FBXL17: variants seen among roughly 807,000 people sequenced by gnomAD.
FBXL17 encodes the protein F-box and leucine rich repeat protein 17, also known as F-box/LRR-repeat protein 17.
In FBXL17, 22 loss-of-function variants were observed where a neutral mutation model predicts 66.2. That is an observed-to-expected ratio of 0.33 (90% CI 0.24 to 0.47). The LOEUF (loss-of-function observed/expected upper bound fraction) is 0.47, where lower values mean the gene tolerates loss of function less well. Ranked by LOEUF, FBXL17 falls within the 20% of genes least tolerant of loss-of-function variation. The pLI, the probability that FBXL17 is intolerant of heterozygous loss-of-function variation, is 1.00. For missense variants in FBXL17, 878 were observed against 948.2 expected (o/e 0.93, Z 0.97); for synonymous variants, 474 against 400.5 (o/e 1.18, Z -2.19).
chr5:108,172,660 C>G (rs1379463807), intron 6 of FBXL17, among the ~76,000 whole-genome samples: 1 of 152,224 alleles, frequency 6.6e-6, no homozygotes, highest in Non-Finnish European at 1.5e-5. Context: ...GATCCAGACT[C>G]AACGTCTGAT....
At chr5:107,972,322 A>G (rs1364873229) in intron 7 of FBXL17, among the ~76,000 whole-genome samples, 1 of 152,230 alleles carries the variant, frequency 6.6e-6, no homozygotes, top group Non-Finnish European at 1.5e-5. Flanking sequence ...ATAGGTAGAT[A>G]AGAAAGGAAG....
chr5:108,172,467 T>C (rs1484249749), intron 6 of FBXL17, among the ~76,000 whole-genome samples: 1 of 152,188 alleles, frequency 6.6e-6, no homozygotes, highest in African/African-American at 2.4e-5. Context: ...AGCCAGAAAT[T>C]GTGTCTATAC....
At position 108,174,748 on chromosome 5, in the gene FBXL17, C is replaced by CAAAAAAAAAAAAAAAA. The variant is rs34237156; in HGVS notation, c.1745+11353_1745+11368dup. 2.2e-5 allele frequency among the ~76,000 whole-genome samples: 2 copies of CAAAAAAAAAAAAAAAA among 92,526 alleles called. 1 individual carries two copies. Among genetic ancestry groups the CAAAAAAAAAAAAAAAA allele is most frequent in the African/African-American group, 8.9e-5 (2 of 22,408 alleles). 60.7% of individuals were successfully genotyped at this position (92,526 alleles called of 152,430 possible). A position where few individuals can be genotyped will look rare whatever the true frequency, so the allele number is the denominator to read the frequency against. ...TAGCTATACTTTTTACACAAAGAAG[C>CAAAAAAAAAAAAAAAA]AAAAAAAAAAAAAAAAAAAAAGCTG... On this transcript the variant is annotated intron_variant, in intron 6 of 8. Transcript: ENST00000542267.
At chr5:108,068,424 C>T (rs1748194093) in intron 6 of FBXL17, among the ~76,000 whole-genome samples, 1 of 142,690 alleles carries the variant, frequency 7.0e-6, no homozygotes, top group South Asian at 2.2e-4. Flanking sequence ...AATCTAAATA[C>T]TCCTAATTTC....
intron 6 of FBXL17, among the ~76,000 whole-genome samples, chr5:108,080,527 A>C (rs1321429295): frequency 6.6e-6 from 1 of 152,254 alleles, no homozygotes; most frequent in Non-Finnish European, 1.5e-5. Flanking sequence ...TTTTGAGCCA[A>C]GTATGAGTGA....
chr5:107,919,295 G>A (rs1750234287), intron 7 of FBXL17, among the ~76,000 whole-genome samples: 1 of 151,988 alleles, frequency 6.6e-6, no homozygotes, highest in Admixed American at 6.6e-5. Flanking sequence ...GCTTTCCATC[G>A]ATCCAGGATC....
intron 7 of FBXL17, among the ~76,000 whole-genome samples, chr5:107,955,440 A>G (rs1249077572): frequency 6.6e-6 from 1 of 152,150 alleles, no homozygotes; most frequent in Non-Finnish European, 1.5e-5. Flanking sequence ...GTGATCTGAA[A>G]CCCTCTTTAA....
In FBXL17 at chr5:107,933,451, G is replaced by A. The variant is rs531083771; in HGVS notation, c.1823-52272C>T. Among the ~76,000 whole-genome samples, 3 of 152,238 alleles carry A rather than the reference G, an allele frequency of 2.0e-5. No individual in the cohort carries two copies. In the East Asian group the frequency reaches 5.8e-4, roughly 29 times the overall value. ...AAATAGTCACTTACATTGGACTTAAGACAATATGAGTTAATAGGCTTCTCA... is the reference window on the plus strand; with the variant it reads ...AAATAGTCACTTACATTGGACTTAAAACAATATGAGTTAATAGGCTTCTCA... On this transcript the variant is annotated intron_variant, in intron 7 of 8. Coordinates refer to ENST00000542267, the MANE Select transcript of FBXL17 (RefSeq NM_001163315.3).
chr5:108,118,860 CAT>C (rs1750367039), intron 6 of FBXL17, among the ~76,000 whole-genome samples: 1 of 152,270 alleles, frequency 6.6e-6, no homozygotes, highest in South Asian at 2.1e-4. Flanking sequence ...CTATTTTACA[CAT>C]GTGATTTTCC....
intron 6 of FBXL17, among the ~76,000 whole-genome samples, chr5:108,091,408 G>A (rs1047621153): frequency 2.6e-5 from 4 of 152,100 alleles, no homozygotes; most frequent in Non-Finnish European, 5.9e-5. Flanking sequence ...ACAAAAGATC[G>A]CATTTCTCTG....
intron 6 of FBXL17, among the ~76,000 whole-genome samples, chr5:108,083,805 CAT>C (rs1325007153): frequency 6.6e-6 from 1 of 152,052 alleles, no homozygotes; most frequent in Non-Finnish European, 1.5e-5. Flanking sequence ...ACCAAAAAAA[CAT>C]ATGGCATAAC....
chr5:107,942,717 A>AT (rs1191002576), intron 7 of FBXL17, among the ~76,000 whole-genome samples: 1 of 150,794 alleles, frequency 6.6e-6, no homozygotes, highest in Non-Finnish European at 1.5e-5. Flanking sequence ...AGTATCTCTT[A>AT]TTTTAACGAT....
intron 6 of FBXL17, among the ~76,000 whole-genome samples, chr5:108,035,942 T>C (rs749096191): frequency 2.1e-4 from 32 of 152,144 alleles, no homozygotes; most frequent in Non-Finnish European, 4.0e-4. Flanking sequence ...AAATACTAAA[T>C]TGTACAATTA....
Position 108,369,729 on chromosome 5 carries a change from A to G in FBXL17, c.994-1776T>C, listed in dbSNP as rs554425150. On this transcript the variant is annotated intron_variant, in intron 1 of 8. Transcript: ENST00000542267. ...GGCCAATACAAATCTTGGAAAATTA[A>G]AAGCTTTATCAACAAATACCATGTG... Among the ~76,000 whole-genome samples, 10 of 152,218 alleles carry G rather than the reference A, an allele frequency of 6.6e-5. No individual in the cohort carries two copies. The South Asian group carries it at 8.3e-4, about 13-fold the overall frequency.
rs61438456 is a variant in FBXL17 at position 107,980,645 on chromosome 5, AAT to A, written c.1822+40278_1822+40279del. ...AGCCACCATGACTGGCCAATAAAAT[AAT>A]ATATATATATATATATATTTTTTTT... On this transcript the variant is annotated intron_variant, in intron 7 of 8. Transcript: ENST00000542267. 2.1e-4 allele frequency among the ~76,000 whole-genome samples: 17 copies of A among 79,206 alleles called. 1 individual carries two copies. Among genetic ancestry groups the A allele is most frequent in the South Asian group, 4.5e-4 (1 of 2,212 alleles). 52.0% of individuals were successfully genotyped at this position (79,206 alleles called of 152,430 possible). A position where few individuals can be genotyped will look rare whatever the true frequency, so the allele number is the denominator to read the frequency against.
intron 5 of FBXL17, among the ~76,000 whole-genome samples, chr5:108,204,089 C>T (rs1027196448): frequency 5.3e-5 from 8 of 152,126 alleles, no homozygotes; most frequent in Admixed American, 2.0e-4. Context: ...CAAACCCATA[C>T]GCAACACATC....
At chr5:107,996,473 T>A (rs1326326992) in intron 7 of FBXL17, among the ~76,000 whole-genome samples, 1 of 152,078 alleles carries the variant, frequency 6.6e-6, no homozygotes. Context: ...CGCCACCATG[T>A]CTGGCTAATT....
At chr5:108,034,870 A>G (rs1746781372) in intron 6 of FBXL17, among the ~76,000 whole-genome samples, 1 of 152,220 alleles carries the variant, frequency 6.6e-6, no homozygotes, top group Non-Finnish European at 1.5e-5. Flanking sequence ...TTCTTTTTAA[A>G]GTAAACTTAC....
chr5:108,376,661 ACAGT>A (rs1244265434), intron 1 of FBXL17, among the ~76,000 whole-genome samples: 2 of 152,160 alleles, frequency 1.3e-5, no homozygotes, highest in Non-Finnish European at 2.9e-5. Flanking sequence ...AGGCTCACTC[ACAGT>A]CAGTTTCTAT....
Sources: allele counts gnomAD v4.1 joint callset (sites outside exome capture counted in the v4.1 genomes callset), GRCh38; gene constraint gnomAD v4.1.1; transcripts MANE v1.5; gene names NCBI Gene and HGNC (gene_info 2026-07-23, HGNC 2026-07-21).